The following CCDC3 variants were observed in gnomAD, a reference collection of about 807,000 sequenced individuals.
CCDC3 encodes coiled-coil domain-containing protein 3.
In CCDC3, 24 loss-of-function variants were observed where a neutral mutation model predicts 21.4. The observed-to-expected ratio is 1.12, with a 90% confidence interval of 0.81 to 1.58. The LOEUF is 1.58. Ranked by LOEUF, CCDC3 falls within the 40% of genes most tolerant of loss-of-function variation. The probability of loss-of-function intolerance (pLI) is 0.00; values close to 1 mark genes in which losing one functional copy is unlikely to be tolerated. For synonymous variants in CCDC3, 186 were observed against 166.0 expected, an observed-to-expected ratio of 1.12 and a Z score of -0.93; for missense variants, 425 against 360.9, an observed-to-expected ratio of 1.18 and a Z score of -1.44.
Position 13,018,424 on chromosome 10 carries a change from GA to G in CCDC3, c.-1-19913del, listed in dbSNP as rs1411399443. 2.0e-5 allele frequency among the ~76,000 whole-genome samples: 3 copies of G among 152,136 alleles called. No homozygotes were observed. In the East Asian group the frequency reaches 5.8e-4, roughly 29 times the overall value. On this transcript the variant is annotated intron_variant, in intron 5 of 6. Transcript: ENST00000378839. ...TCATCAGTATCTGCCCAGGGAATGTGAAAAGCTGGTAGAACGAGATACATGG... is the reference window on the plus strand; with the variant it reads ...TCATCAGTATCTGCCCAGGGAATGTGAAAGCTGGTAGAACGAGATACATGG...
chr10:13,001,959 T>C (rs1011092710), upstream of CCDC3, among the ~76,000 whole-genome samples: 4 of 152,190 alleles, frequency 2.6e-5, no homozygotes, highest in South Asian at 2.1e-4. Flanking sequence ...TGGTCCGAGC[T>C]TGCCAGGCGT....
chr10:12,899,705 TGA>T (rs1834063841), intron 2 of CCDC3, among the ~76,000 whole-genome samples: 4 of 152,196 alleles, frequency 2.6e-5, no homozygotes, highest in Non-Finnish European at 5.9e-5. Context: ...GTGTATAGTG[TGA>T]TACCAAGAGT....
intron 4 of CCDC3, among the ~76,000 whole-genome samples, chr10:13,051,158 C>G (rs1186417590): frequency 1.3e-5 from 2 of 152,222 alleles, no homozygotes; most frequent in Non-Finnish European, 1.5e-5. Context: ...GATTCTGCCC[C>G]CAAAGGAGCC....
intron 4 of CCDC3, among the ~76,000 whole-genome samples, chr10:13,056,581 A>T (rs1317881898): frequency 6.6e-6 from 1 of 152,222 alleles, no homozygotes; most frequent in Non-Finnish European, 1.5e-5. Flanking sequence ...AGTGTTTAGC[A>T]GGAAGATTGA....
chr10:13,046,056 A>G (rs1005344037), intron 5 of CCDC3, among the ~76,000 whole-genome samples: 1 of 151,960 alleles, frequency 6.6e-6, no homozygotes, highest in Admixed American at 6.6e-5. Context: ...GTGCCACTGG[A>G]CTCCAGCCTG....
intron 2 of CCDC3, among the ~76,000 whole-genome samples, chr10:12,917,387 G>A (rs994946701): frequency 2.6e-5 from 4 of 151,566 alleles, no homozygotes; most frequent in African/African-American, 9.7e-5. Context: ...TAGTAGAGAC[G>A]GGGTTTCACC....
intron 5 of CCDC3, among the ~76,000 whole-genome samples, chr10:13,039,451 G>T (rs1836421147): frequency 6.6e-6 from 1 of 151,900 alleles, no homozygotes; most frequent in Non-Finnish European, 1.5e-5. Flanking sequence ...TTCCAGAATG[G>T]ATTACAATTT....
chr10:12,938,374 C>T (rs1294968355), intron 2 of CCDC3, among the ~76,000 whole-genome samples: 2 of 152,204 alleles, frequency 1.3e-5, no homozygotes, highest in Admixed American at 1.3e-4. Flanking sequence ...ATAATGCATC[C>T]AGCACTGGCT....
intron 3 of CCDC3, among the ~76,000 whole-genome samples, chr10:13,077,258 A>C (rs1836976343): frequency 6.6e-6 from 1 of 152,176 alleles, no homozygotes; most frequent in Admixed American, 6.5e-5. Context: ...TCCCATTCAC[A>C]ATTGCTTCAA....
chr10:12,898,528 T>G lies in CCDC3; in HGVS notation c.701A>C (p.Lys234Thr), dbSNP rs1485322825. The G allele has an allele frequency of 6.2e-7, 1 of 1,614,192 alleles. No individual in the cohort carries two copies. ...VKRSLRQARK[K>T]GRHLELANQK... ...GTTCGCCAGCTCCAGGTGGCGGCCC[T>G]TCTTACGCGCCTGCCGCAAGGACCT... Residue 234 changes from lysine to threonine, a missense_variant, in exon 3 of 3, where the codon AAG becomes ACG. Physicochemically the swap from Lys to Thr is moderately conservative, Grantham distance 78. Coordinates refer to ENST00000378825, the MANE Select transcript of CCDC3 (RefSeq NM_031455.4).
At chr10:12,974,107 G>C (rs1279435904) in intron 2 of CCDC3, among the ~76,000 whole-genome samples, 1 of 152,208 alleles carries the variant, frequency 6.6e-6, no homozygotes, top group African/African-American at 2.4e-5. Context: ...CCCCTTTCAT[G>C]GTGGGAAATA....
chr10:12,921,005 G>A (rs1834442766), intron 2 of CCDC3, among the ~76,000 whole-genome samples: 1 of 152,162 alleles, frequency 6.6e-6, no homozygotes, highest in African/African-American at 2.4e-5. Context: ...CAGCATATGA[G>A]AACATTCTCT....
intron 4 of CCDC3, among the ~76,000 whole-genome samples, chr10:13,067,976 G>A (rs1399829205): frequency 6.6e-6 from 1 of 152,108 alleles, no homozygotes; most frequent in East Asian, 1.9e-4. Context: ...CTTTTTCTCA[G>A]TAGACTGAAT....
chr10:13,080,935 G>A (rs991757901), intron 3 of CCDC3, among the ~76,000 whole-genome samples: 1 of 152,256 alleles, frequency 6.6e-6, no homozygotes, highest in African/African-American at 2.4e-5. Context: ...GCACAGGGGT[G>A]ATGAGGGCCA....
At chr10:13,024,746 A>G (rs1359073629) in intron 5 of CCDC3, among the ~76,000 whole-genome samples, 7 of 152,110 alleles carry the variant, frequency 4.6e-5, no homozygotes, top group African/African-American at 1.7e-4. Context: ...CGCATTCCAT[A>G]TTTTCTGCCT....
chr10:12,988,353 C>CG (rs1835629381), intron 2 of CCDC3, among the ~76,000 whole-genome samples: 1 of 149,250 alleles, frequency 6.7e-6, no homozygotes, highest in Admixed American at 6.7e-5. Flanking sequence ...TTCCTATTAC[C>CG]TTTTTTTTTT....
intron 2 of CCDC3, among the ~76,000 whole-genome samples, chr10:12,962,021 T>C (rs1419166132): frequency 1.3e-5 from 2 of 152,190 alleles, no homozygotes; most frequent in Non-Finnish European, 2.9e-5. Context: ...TGATTGTAAA[T>C]AATGGAACGT....
intron 5 of CCDC3, among the ~76,000 whole-genome samples, chr10:13,037,634 A>G (rs920336955): frequency 2.6e-5 from 4 of 152,174 alleles, no homozygotes; most frequent in African/African-American, 9.7e-5. Flanking sequence ...CTGCAAATTC[A>G]TCTCTTAAGC....
At chr10:12,903,781 C>A (rs1834128264) in intron 2 of CCDC3, among the ~76,000 whole-genome samples, 1 of 152,182 alleles carries the variant, frequency 6.6e-6, no homozygotes, top group Non-Finnish European at 1.5e-5. Context: ...AAAAGTTAGG[C>A]TGGGATATCC....
Sources: gnomAD v4.1 joint callset for allele counts (sites outside exome capture counted in the v4.1 genomes callset) on GRCh38, gnomAD v4.1.1 for gene constraint, MANE v1.5 for transcripts, NCBI Gene and HGNC (gene_info 2026-07-23, HGNC 2026-07-21) for gene names.